Variants in ARHGEF7 observed in about 807,000 individuals in gnomAD.
ARHGEF7 encodes PAK-interacting exchange factor beta.
ARHGEF7 carries 33 observed loss-of-function variants against 109.8 expected under a neutral mutation model. The observed-to-expected ratio is 0.30, with a 90% CI of 0.23 to 0.40. ARHGEF7 has a LOEUF of 0.40. ARHGEF7 is among the 10% of genes least tolerant of loss of function. ARHGEF7 has a pLI of 1.00. For synonymous variants in ARHGEF7, 458 were observed against 424.6 expected (o/e 1.08, Z -0.97); for missense variants, 938 against 1,098.5 (o/e 0.85, Z 2.07).
chr13:111,119,695 C>A (rs1479047003), intron 1 of ARHGEF7, among the ~76,000 whole-genome samples: 2 of 152,170 alleles, frequency 1.3e-5, no homozygotes, highest in African/African-American at 4.8e-5. Context: ...TGCAGAAAAT[C>A]AGCAAATCTG....
chr13:111,166,246 A>G (rs1003178022), intron 2 of ARHGEF7, among the ~76,000 whole-genome samples: 1 of 152,168 alleles, frequency 6.6e-6, no homozygotes, highest in African/African-American at 2.4e-5. Context: ...ATGTCTTAGA[A>G]TGAAACCCAT....
chr13:111,283,335 G>A lies in ARHGEF7; in HGVS notation c.1922G>A (p.Arg641Gln), dbSNP rs768627942. The A allele has an allele frequency of 1.9e-6, 3 of 1,553,272 alleles. No homozygotes were observed. Among genetic ancestry groups the A allele is most frequent in the South Asian group, 1.2e-5 (1 of 84,990 alleles). Residue 641 changes from arginine to glutamine, a missense_variant, in exon 16 of 22, where the codon CGG becomes CAG. Transcript: ENST00000646102. ...TGCCTGCGGCCCGCGCCTCCCCTCC[G>A]GCCCTCAGCTGCTCTCTGCTACAAG... is the stretch of plus-strand genomic sequence containing the variant. Reference protein sequence around the residue: ...LSCLRPAPPLRPSAALCYKED... With the variant: ...LSCLRPAPPLQPSAALCYKED...
intron 2 of ARHGEF7, among the ~76,000 whole-genome samples, chr13:111,191,802 TA>T (rs1430465353): frequency 3.9e-5 from 6 of 152,178 alleles, no homozygotes; most frequent in African/African-American, 1.4e-4. Context: ...GAGATCATTT[TA>T]TCCAGGCTGA....
intron 16 of ARHGEF7, 26 bp from the exon 17 acceptor site, chr13:111,286,121 T>C: frequency 6.3e-7 from 1 of 1,575,922 alleles, no homozygotes; most frequent in Non-Finnish European, 8.7e-7. Context: ...TAGAGTATGT[T>C]AGCATTTTCT....
intron 1 of ARHGEF7, chr13:111,153,637 TGAG>T: frequency 8.3e-7 from 1 of 1,211,850 alleles, no homozygotes; most frequent in Non-Finnish European, 1.0e-6. Flanking sequence ...GGGCGCGGTC[TGAG>T]GACGTCACTT....
intron 2 of ARHGEF7, among the ~76,000 whole-genome samples, chr13:111,175,402 C>T (rs2078041706): frequency 6.6e-6 from 1 of 152,194 alleles, no homozygotes; most frequent in African/African-American, 2.4e-5. Flanking sequence ...CCCTGTGAGA[C>T]TCAAAGCCTG....
chr13:111,264,479 C>T (rs138385326), intron 8 of ARHGEF7, among the ~76,000 whole-genome samples: 35 of 152,172 alleles, frequency 2.3e-4, no homozygotes, highest in African/African-American at 7.2e-4. Flanking sequence ...TATATGTCAC[C>T]GCCACCGACA....
intron 19 of ARHGEF7, among the ~76,000 whole-genome samples, chr13:111,299,491 T>C (rs1012772839): frequency 2.0e-5 from 3 of 151,918 alleles, no homozygotes; most frequent in Non-Finnish European, 2.9e-5. Context: ...TATAGGCGCC[T>C]GCCACCACGC....
At chr13:111,133,764 T>C (rs550393401) in intron 1 of ARHGEF7, among the ~76,000 whole-genome samples, 400 of 4,246 alleles carry the variant, frequency 0.094, 1 homozygote, top group Middle Eastern at 0.17. Context: ...TGCTTTTCTT[T>C]ATATATATAT....
intron 1 of ARHGEF7, among the ~76,000 whole-genome samples, chr13:111,149,431 T>C (rs2075782589): frequency 6.6e-6 from 1 of 152,208 alleles, no homozygotes; most frequent in Non-Finnish European, 1.5e-5. Context: ...TACTCTTAAA[T>C]GTAGAGTCAA....
chr13:111,259,522 G>T (rs2090854542), intron 8 of ARHGEF7, among the ~76,000 whole-genome samples: 2 of 152,220 alleles, frequency 1.3e-5, no homozygotes, highest in Admixed American at 6.5e-5. Flanking sequence ...ATGTGAATCA[G>T]CAAGAGTCAC....
At chr13:111,301,579 A>C in intron 21 of ARHGEF7, 47 bp downstream of exon 21, 1 of 1,461,736 alleles carries the variant, frequency 6.8e-7, no homozygotes, top group Non-Finnish European at 9.5e-7. Flanking sequence ...TTCAAATGGG[A>C]GAAAAGAAGA....
intron 5 of ARHGEF7, among the ~76,000 whole-genome samples, chr13:111,231,809 T>G (rs1190859972): frequency 6.6e-6 from 1 of 152,022 alleles, no homozygotes; most frequent in East Asian, 1.9e-4. Context: ...TCCCGCCCAG[T>G]GAGGGGGTTC....
chr13:111,175,375 G>A (rs1031742728), intron 2 of ARHGEF7, among the ~76,000 whole-genome samples: 1 of 152,230 alleles, frequency 6.6e-6, no homozygotes, highest in Non-Finnish European at 1.5e-5. Flanking sequence ...ATGGGAGAGG[G>A]TGAGAGAGCA....
chr13:111,221,138 C>CAG (rs1566867278), intron 5 of ARHGEF7, among the ~76,000 whole-genome samples: 4 of 102,710 alleles, frequency 3.9e-5, no homozygotes, highest in Non-Finnish European at 7.7e-5. Flanking sequence ...AACTCCCTTT[C>CAG]ATATATATAT....
chr13:111,217,355 G>C (rs1266059846), intron 4 of ARHGEF7, among the ~76,000 whole-genome samples: 1 of 152,230 alleles, frequency 6.6e-6, no homozygotes, highest in Non-Finnish European at 1.5e-5. Context: ...AGTACTGCCA[G>C]ATAAATGACA....
intron 16 of ARHGEF7, 90 bp downstream of exon 16, chr13:111,283,453 G>C (rs921206089): frequency 1.4e-6 from 2 of 1,475,694 alleles, no homozygotes; most frequent in African/African-American, 2.8e-5. Flanking sequence ...TCTGTGTACA[G>C]CAAAATGCAC....
At chr13:111,137,718 C>G (rs1388769851) in intron 1 of ARHGEF7, among the ~76,000 whole-genome samples, 1 of 151,654 alleles carries the variant, frequency 6.6e-6, no homozygotes, top group Admixed American at 6.6e-5. Flanking sequence ...TTTCATACAA[C>G]AGAAGAGAAA....
chr13:111,115,434 A>AGGCGGC lies in ARHGEF7; in HGVS notation c.-78_-73dup, dbSNP rs1452458924. On this transcript the variant is annotated 5_prime_UTR_variant, in exon 1 of 22. Transcript: ENST00000646102. ...GCCGGCGCCGGCCGCTCGATGGGCG[A>AGGCGGC]GGCGGCGGCGGCGGCGGCGGGGGCC... 5.4e-5 allele frequency: 50 copies of AGGCGGC among 931,222 alleles called. No homozygotes were observed. Among genetic ancestry groups the AGGCGGC allele is most frequent in the Admixed American group, 3.2e-4 (5 of 15,616 alleles). The allele number at this position is 931,222 out of a possible 1,614,324, so 57.7% of individuals were successfully genotyped here.
Sources: allele counts gnomAD v4.1 joint callset (sites outside exome capture counted in the v4.1 genomes callset), GRCh38; gene constraint gnomAD v4.1.1; transcripts MANE v1.5; gene names NCBI Gene and HGNC (gene_info 2026-07-23, HGNC 2026-07-21).